The following ATR variants were observed in gnomAD, a reference collection of about 807,000 sequenced individuals.
The protein encoded by ATR is serine/threonine-protein kinase ATR.
In ATR, 142 loss-of-function variants were observed where a neutral mutation model predicts 305.3. The observed-to-expected ratio is 0.47, with a 90% CI of 0.41 to 0.53. The LOEUF (loss-of-function observed/expected upper bound fraction) is 0.53, where lower values mean the gene tolerates loss of function less well. Among genes scored for constraint, ATR ranks in the 20% least tolerant of loss-of-function variants. ATR has a pLI of 0.00. For missense variants in ATR, 2,135 were observed against 3,133.1 expected, an observed-to-expected ratio of 0.68 and a Z score of 7.60; for synonymous variants, 1,050 against 1,068.1, an observed-to-expected ratio of 0.98 and a Z score of 0.33.
chr3:142,566,190 T>C lies in ATR; in HGVS notation c.223A>G (p.Ile75Val). Residue 75 changes from isoleucine (I) to valine (V), a missense_variant, in exon 3 of 47, where the codon ATC becomes GTC. Physicochemically the swap from Ile to Val is conservative, Grantham distance 29. Around this residue, in one of 9 missense-constraint regions of ATR, gnomAD observed 744 missense variants for 873.2 expected, o/e 0.85. Transcript: ENST00000350721. The part of the protein sequence containing the change: ...SVMLLDFIQH[I>V]MKSSPLMFVN... ...AACATAAGTGGGGAGGATTTCATGA[T>C]ATGCTGGATGAAATCAAGCAACATC... is the stretch of plus-strand genomic sequence containing the variant. 1 of 1,614,032 alleles carries C rather than the reference T, an allele frequency of 6.2e-7. No homozygotes were observed. Among genetic ancestry groups the C allele is most frequent in the Non-Finnish European group, 8.5e-7 (1 of 1,179,892 alleles).
At chr3:142,547,274 A>G (rs964956891) in intron 16 of ATR, among the ~76,000 whole-genome samples, 11 of 152,196 alleles carry the variant, frequency 7.2e-5, no homozygotes, top group African/African-American at 2.7e-4. Context: ...TTAGAATTGA[A>G]AAGTTTCATT....
chr3:142,458,048 A>G (rs1393424944), intron 44 of ATR, among the ~76,000 whole-genome samples: 1 of 152,204 alleles, frequency 6.6e-6, no homozygotes, highest in Admixed American at 6.5e-5. Context: ...TATGCATTCA[A>G]TATTTAGTCT....
At chr3:142,485,353 ATGATTAGGGATCAAAAGTATG>A in intron 35 of ATR, 71 bp from the exon 36 acceptor site, 1 of 1,546,094 alleles carries the variant, frequency 6.5e-7, no homozygotes, top group Admixed American at 1.8e-5. Flanking sequence ...ATATGAATAG[ATGATTAGGGATCAAAAGTATG>A]TGACCTTTAT....
intron 1 of ATR, among the ~76,000 whole-genome samples, chr3:142,578,336 G>A (rs2035507226): frequency 6.6e-6 from 1 of 152,184 alleles, no homozygotes. Flanking sequence ...ACCAGAAAGC[G>A]ATCAGCAGGG....
In ATR at chr3:142,457,704, T is replaced by C; in HGVS notation, c.7555A>G (p.Met2519Val). The C allele has an allele frequency of 6.2e-7, 1 of 1,614,054 alleles. No homozygotes were observed. Among genetic ancestry groups the C allele is most frequent in the Middle Eastern group, 1.7e-4 (1 of 6,060 alleles). ...EIVPFRLTHN[M>V]VNGMGPMGTE... ...CCCATAGGACCCATTCCATTAACCA[T>C]ATTATGAGTCAGGCGAAATGGCACA... The change falls in exon 45 of 47, where the codon ATG becomes GTG. Residue 2519 changes from methionine to valine, a missense_variant. By Grantham distance (21) the Met-to-Val change is conservative. Coordinates refer to ENST00000350721, the MANE Select transcript of ATR (RefSeq NM_001184.4).
chr3:142,551,101 T>C lies in ATR; in HGVS notation c.2806-799A>G, dbSNP rs2034456101. Among the ~76,000 whole-genome samples the C allele has an allele frequency of 2.0e-5, 3 of 152,178 alleles. No homozygotes were observed. In the South Asian group the frequency reaches 6.2e-4, roughly 32 times the overall value. On this transcript the variant is annotated intron_variant, in intron 13 of 46. Transcript: ENST00000350721. ...CACGCCCAGCCTTAACAATAATTTTTTAAAGCAAGCACAATGCTTTCTTTT... is the reference window on the plus strand; with the variant it reads ...CACGCCCAGCCTTAACAATAATTTTCTAAAGCAAGCACAATGCTTTCTTTT...
chr3:142,494,195 G>A (rs182415796), intron 34 of ATR, among the ~76,000 whole-genome samples: 19 of 152,238 alleles, frequency 1.2e-4, no homozygotes, highest in South Asian at 6.2e-4. Flanking sequence ...GAGGATGTCC[G>A]CAGGTTATAT....
At chr3:142,517,807 C>T (rs1028415246) in intron 24 of ATR, among the ~76,000 whole-genome samples, 1 of 152,086 alleles carries the variant, frequency 6.6e-6, no homozygotes, top group Non-Finnish European at 1.5e-5. Context: ...GATAGCCAAC[C>T]TCACAAATTC....
At chr3:142,472,596 T>G (rs2071313950) in intron 36 of ATR, among the ~76,000 whole-genome samples, 1 of 152,186 alleles carries the variant, frequency 6.6e-6, no homozygotes, top group Admixed American at 6.6e-5. Context: ...TCAGACCCTT[T>G]TCCCATTTTT....
At chr3:142,530,267 C>T (rs1353358031) in intron 21 of ATR, among the ~76,000 whole-genome samples, 2 of 151,922 alleles carry the variant, frequency 1.3e-5, no homozygotes, top group Admixed American at 6.6e-5. Flanking sequence ...ACCCTCGTTT[C>T]ATCTTGGTTT....
intron 24 of ATR, among the ~76,000 whole-genome samples, chr3:142,518,233 C>G (rs1247110903): frequency 6.6e-6 from 1 of 152,272 alleles, no homozygotes; most frequent in Middle Eastern, 3.4e-3. Flanking sequence ...TTAAATAATG[C>G]TAATAGTGGC....
At chr3:142,554,944 A>T (rs2034609317) in intron 10 of ATR, among the ~76,000 whole-genome samples, 1 of 151,360 alleles carries the variant, frequency 6.6e-6, no homozygotes, top group Non-Finnish European at 1.5e-5. Context: ...AAAAAAAAAG[A>T]AAGAAGAAAG....
intron 23 of ATR, among the ~76,000 whole-genome samples, chr3:142,520,836 G>A (rs2033118410): frequency 6.6e-6 from 1 of 152,206 alleles, no homozygotes; most frequent in African/African-American, 2.4e-5. Flanking sequence ...TGATAGAGAA[G>A]CTGCAGCAAG....
At chr3:142,450,173 C>T (rs189486906) in intron 46 of ATR, 28 of 487,030 alleles carry the variant, frequency 5.7e-5, no homozygotes, top group African/African-American at 5.2e-4. Context: ...GTGCCATCTG[C>T]CATCGACTTT....
chr3:142,457,709 T>G lies in ATR; in HGVS notation c.7550A>C (p.His2517Pro). The change falls in exon 45 of 47, where the codon CAT (histidine) becomes CCT (proline). Residue 2517 changes from histidine to proline, a missense_variant. This residue lies in a region of ATR where 462 missense variants were observed against 887.6 expected (regional missense o/e 0.52). Coordinates refer to ENST00000350721, the MANE Select transcript of ATR (RefSeq NM_001184.4). ...VPEIVPFRLT[H>P]NMVNGMGPMG... is the part of the protein sequence containing the mutation. ...AGGACCCATTCCATTAACCATATTA[T>G]GAGTCAGGCGAAATGGCACAATTTC... 1 of 1,614,104 alleles carries G rather than the reference T, an allele frequency of 6.2e-7. No individual in the cohort carries two copies. The highest frequency in any genetic ancestry group is 8.5e-7 in the Non-Finnish European group (1 of 1,179,960).
At position 142,458,988 on chromosome 3, in the gene ATR, T is replaced by C. The variant is rs1452544880; in HGVS notation, c.7473A>G (p.Val2491=). The C allele has an allele frequency of 6.2e-7, 1 of 1,613,908 alleles. No homozygotes were observed. Reference sequence around the variant, plus strand: ...TGAAAAGACAATTGAAATCTACATGTACGCATTCACCAGTCAAAGAATCAA... The same window carrying C: ...TGAAAAGACAATTGAAATCTACATGCACGCATTCACCAGTCAAAGAATCAA... ...ILFDSLTGEC[V]HVDFNCLFNK... Residue 2491 remains valine (V), a synonymous_variant, in exon 44 of 47, where the codon GTA becomes GTG. Transcript: ENST00000350721.
At chr3:142,511,720 T>C (rs1577601877) in intron 27 of ATR, among the ~76,000 whole-genome samples, 1 of 152,052 alleles carries the variant, frequency 6.6e-6, no homozygotes, top group Non-Finnish European at 1.5e-5. Flanking sequence ...AAAATAAATA[T>C]GTGCCTTGTC....
At chr3:142,452,535 G>T in intron 46 of ATR, 1 of 597,844 alleles carries the variant, frequency 1.7e-6, no homozygotes, top group Non-Finnish European at 2.1e-6. Context: ...TTAGCCAGCT[G>T]TGGTGGTGCA....
intron 36 of ATR, among the ~76,000 whole-genome samples, chr3:142,479,093 G>A (rs2030200661): frequency 1.3e-5 from 2 of 151,872 alleles, no homozygotes; most frequent in South Asian, 2.1e-4. Context: ...TTACATTTAA[G>A]GTTAATATTG....
Sources: allele counts gnomAD v4.1 joint callset (sites outside exome capture counted in the v4.1 genomes callset), GRCh38; gene constraint gnomAD v4.1.1; regional missense constraint gnomAD v4.1.1; transcripts MANE v1.5; gene names NCBI Gene and HGNC (gene_info 2026-07-23, HGNC 2026-07-21).